PLEKHG3: variants seen among roughly 807,000 people sequenced by gnomAD.
PLEKHG3 encodes the protein pleckstrin homology and RhoGEF domain containing G3.
Under a neutral mutation model 94.9 loss-of-function variants are expected in PLEKHG3, and 62 were observed. The ratio of observed to expected loss-of-function variants is 0.65; its 90% CI spans 0.53 to 0.81. The LOEUF is 0.81. Among genes scored for constraint, PLEKHG3 ranks in the 30% least tolerant of loss-of-function variants. PLEKHG3 has a pLI of 0.00. For missense variants in PLEKHG3, 1,461 were observed against 1,619.3 expected (o/e 0.90, Z 1.68); for synonymous variants, 614 against 654.0 (o/e 0.94, Z 0.93).
intron 1 of PLEKHG3, among the ~76,000 whole-genome samples, chr14:64,710,007 G>A (rs1253841643): frequency 6.6e-6 from 1 of 152,160 alleles, no homozygotes; most frequent in African/African-American, 2.4e-5. Context: ...TTCTGACAGT[G>A]GGACAGGAAG....
chr14:64,737,883 C>T (rs1039740825), intron 14 of PLEKHG3: 4 of 1,205,874 alleles, frequency 3.3e-6, no homozygotes, highest in African/African-American at 1.6e-5. Context: ...TGCTGGAACC[C>T]TCCTGGACTT....
Position 64,742,030 on chromosome 14 carries a change from A to G in PLEKHG3, c.2513A>G (p.Asn838Ser), listed in dbSNP as rs370051891. The part of the protein sequence containing the change: ...PGKGPGQGQA[N>S]GFDLHEPLFI... Reference sequence around the variant, plus strand: ...AAGGGGCCAGGCCAGGGCCAGGCCAATGGCTTTGACCTGCATGAGCCACTC... The same window carrying G: ...AAGGGGCCAGGCCAGGGCCAGGCCAGTGGCTTTGACCTGCATGAGCCACTC... The change falls in exon 16 of 17, where the codon AAT becomes AGT. Residue 838 changes from asparagine to serine, a missense_variant. By Grantham distance (46) the Asn-to-Ser change is conservative. This residue lies in a region of PLEKHG3 where 1,201 missense variants were observed against 1,295.5 expected (regional missense o/e 0.93). Transcript: ENST00000247226. The G allele has an allele frequency of 2.5e-6, 4 of 1,590,494 alleles. No homozygotes were observed. Among genetic ancestry groups the G allele is most frequent in the Non-Finnish European group, 1.7e-6 (2 of 1,167,110 alleles).
At chr14:64,708,589 C>G (rs2081011632) in intron 1 of PLEKHG3, among the ~76,000 whole-genome samples, 1 of 152,130 alleles carries the variant, frequency 6.6e-6, no homozygotes, top group Non-Finnish European at 1.5e-5. Flanking sequence ...AATGAGAACT[C>G]AGGGTCGGCT....
chr14:64,723,619 G>GC lies in PLEKHG3; in HGVS notation c.-39-3968dup, dbSNP rs71444673. On this transcript the variant is annotated intron_variant, in intron 1 of 16. Coordinates refer to ENST00000247226, the MANE Select transcript of PLEKHG3 (RefSeq NM_001308147.2). The surrounding 1 kb of genome is among the most constrained non-coding windows in gnomAD (Gnocchi z 4.5). ...AGGTTCAAGCGATTCTTCTGCCTCAGCCCCCCGAGTAGCTGGGATTACAGG... is the reference window on the plus strand; with the variant it reads ...AGGTTCAAGCGATTCTTCTGCCTCAGCCCCCCCGAGTAGCTGGGATTACAGG... Among the ~76,000 whole-genome samples the GC allele has an allele frequency of 6.6e-6, 1 of 151,434 alleles. No homozygotes were observed. The highest frequency in any genetic ancestry group is 2.0e-4 in the East Asian group (1 of 5,090).
intron 13 of PLEKHG3, 123 bp downstream of exon 13, chr14:64,737,014 C>G: frequency 1.2e-6 from 1 of 803,652 alleles, no homozygotes. Flanking sequence ...GTAGAGGGAA[C>G]TCTGCCTCCA....
rs1374337447 is a variant in PLEKHG3, at chr14:64,744,862, C to G, written c.*1159C>G. 6.6e-6 allele frequency: 1 copy of G among 151,240 alleles called. No homozygotes were observed. Among genetic ancestry groups the G allele is most frequent in the African/African-American group, 2.4e-5 (1 of 40,870 alleles). The allele number at this position is 151,240 out of a possible 1,614,324, so 9.4% of individuals were successfully genotyped here. ...GATCTTGGCTTACTGCAACCTCCGC[C>G]TCCCAGGTTCAAGCAATTCTCGTTG... is the stretch of plus-strand genomic sequence containing the variant. On this transcript the variant is annotated 3_prime_UTR_variant, in exon 17 of 17. Transcript: ENST00000247226.
chr14:64,741,185 C>T lies in PLEKHG3; in HGVS notation c.1668C>T (p.Pro556=). 1 of 1,614,136 alleles carries T rather than the reference C, an allele frequency of 6.2e-7. No homozygotes were observed. Among genetic ancestry groups the T allele is most frequent in the South Asian group, 1.1e-5 (1 of 91,084 alleles). Residue 556 remains proline, a synonymous_variant, in exon 16 of 17, where the codon CCC becomes CCT. Coordinates refer to ENST00000247226, the MANE Select transcript of PLEKHG3 (RefSeq NM_001308147.2). The part of the protein sequence containing the change: ...DAHQGLLGMD[P]PGDMVDFVAA... ...ACCAGGGCCTTCTGGGGATGGACCC[C>T]CCAGGTGACATGGTGGACTTCGTGG...
chr14:64,712,325 A>G (rs985751044), intron 1 of PLEKHG3, among the ~76,000 whole-genome samples: 2 of 152,032 alleles, frequency 1.3e-5, no homozygotes, highest in African/African-American at 4.8e-5. Context: ...GCTTTTCCAT[A>G]TGAATTTTAG....
chr14:64,717,871 T>A lies in PLEKHG3; in HGVS notation c.-39-9722T>A, dbSNP rs72724474. Among the ~76,000 whole-genome samples, 2,185 of 152,368 alleles carry A rather than the reference T, an allele frequency of 0.014. 22 individuals are homozygous for A. The highest frequency in any genetic ancestry group is 0.023 in the Non-Finnish European group (1,538 of 68,038). ...GGGCACATTCTGACACCTCGTCTCA[T>A]GGAGCCCCATTTCCACGTGTCTTGG... On this transcript the variant is annotated intron_variant, in intron 1 of 16. Coordinates refer to ENST00000247226, the MANE Select transcript of PLEKHG3 (RefSeq NM_001308147.2). This position sits in a 1 kb window ranked among gnomAD's most constrained non-coding sequence, Gnocchi z 4.7.
intron 14 of PLEKHG3, chr14:64,737,839 A>T (rs1445922777): frequency 1.7e-6 from 2 of 1,147,314 alleles, no homozygotes; most frequent in African/African-American, 1.6e-5. Flanking sequence ...GCTGGTCACG[A>T]GGGGGTCTTG....
At position 64,741,960 on chromosome 14, in the gene PLEKHG3, G is replaced by A. The variant is rs1419582701; in HGVS notation, c.2443G>A (p.Val815Met). The change falls in exon 16 of 17, where the codon GTG becomes ATG. Residue 815 changes from valine (V) to methionine (M), a missense_variant. Physicochemically the swap from Val to Met is conservative, Grantham distance 21. This residue lies in a region of PLEKHG3 where 1,201 missense variants were observed against 1,295.5 expected (regional missense o/e 0.93). Transcript: ENST00000247226. ...TGAGTTCCGCCCATCTTCAGAAATTGTGAAGATCTGGGAGGGAATGGAGTC... is the reference window on the plus strand; with the variant it reads ...TGAGTTCCGCCCATCTTCAGAAATTATGAAGATCTGGGAGGGAATGGAGTC... Reference protein sequence around the residue: ...DAEFRPSSEIVKIWEGMESSG... With the variant: ...DAEFRPSSEIMKIWEGMESSG... The A allele has an allele frequency of 3.2e-6, 5 of 1,576,584 alleles. No homozygotes were observed. The highest frequency in any genetic ancestry group is 1.2e-5 in the South Asian group (1 of 84,620).
At position 64,744,443 on chromosome 14, in the gene PLEKHG3, C is replaced by T. The variant is rs1347037014; in HGVS notation, c.*740C>T. The T allele has an allele frequency of 6.6e-6, 1 of 152,466 alleles. No individual in the cohort carries two copies. Among genetic ancestry groups the T allele is most frequent in the Non-Finnish European group, 1.5e-5 (1 of 68,046 alleles). 9.4% of individuals were successfully genotyped at this position (152,466 alleles called of 1,614,324 possible). ...GATGGAGACATGGAGGTTGTTCCTT[C>T]CACACTCAATTGTCACTTGGGCTTA... On this transcript the variant is annotated 3_prime_UTR_variant, in exon 17 of 17. Transcript: ENST00000247226.
In PLEKHG3 at chr14:64,722,069, G is replaced by T. The variant is rs2081271254; in HGVS notation, c.-39-5524G>T. 1.3e-5 allele frequency among the ~76,000 whole-genome samples: 2 copies of T among 152,216 alleles called. 1 individual carries two copies. Among genetic ancestry groups the T allele is most frequent in the South Asian group, 4.1e-4 (2 of 4,828 alleles). On this transcript the variant is annotated intron_variant, in intron 1 of 16. Transcript: ENST00000247226. The surrounding 1 kb of genome is among the most constrained non-coding windows in gnomAD (Gnocchi z 4.3). ...GGGATTCCGAAAGTGCCGTCTTGGGGATTGTTTGGGGGAAGGACAAAAGCC... is the reference window on the plus strand; with the variant it reads ...GGGATTCCGAAAGTGCCGTCTTGGGTATTGTTTGGGGGAAGGACAAAAGCC...
rs779747958 is a variant in PLEKHG3, at chr14:64,731,686, C to T, written c.1033-28C>T. Reference sequence around the variant, plus strand: ...GCTTCCCCAGGCTGTCAACCTTGTGCTTGACTGTCCTTTCCCTCTGCCCCT... The same window carrying T: ...GCTTCCCCAGGCTGTCAACCTTGTGTTTGACTGTCCTTTCCCTCTGCCCCT... On this transcript the variant is annotated intron_variant, in intron 8 of 16. Coordinates refer to ENST00000247226, the MANE Select transcript of PLEKHG3 (RefSeq NM_001308147.2). The surrounding 1 kb of genome is among the most constrained non-coding windows in gnomAD (Gnocchi z 6.1). The T allele has an allele frequency of 2.9e-5, 46 of 1,566,532 alleles. No homozygotes were observed. The highest frequency in any genetic ancestry group is 4.0e-5 in the Non-Finnish European group (45 of 1,136,710).
chr14:64,742,126 C>T lies in PLEKHG3; in HGVS notation c.2609C>T (p.Ser870Phe), dbSNP rs1276584618. Reference protein sequence around the residue: ...ESATASPESSSPTEGRSPAHL... With the variant: ...ESATASPESSFPTEGRSPAHL... The stretch of plus-strand genomic sequence containing the variant: ...GCCACTGCCTCCCCGGAAAGCTCCT[C>T]TCCCACTGAGGGGCGCAGCCCGGCC... Residue 870 changes from serine to phenylalanine, a missense_variant, in exon 16 of 17, where the codon TCT (serine) becomes TTT (phenylalanine). Physicochemically the swap from Ser to Phe is radical, Grantham distance 155. Transcript: ENST00000247226. 6.2e-7 allele frequency: 1 copy of T among 1,611,120 alleles called. No individual in the cohort carries two copies. Among genetic ancestry groups the T allele is most frequent in the East Asian group, 2.2e-5 (1 of 44,874 alleles).
Position 64,728,305 on chromosome 14 carries a change from C to T in PLEKHG3, c.351+323C>T, listed in dbSNP as rs543196347. 8.6e-4 allele frequency among the ~76,000 whole-genome samples: 131 copies of T among 152,314 alleles called. No individual in the cohort carries two copies. Among genetic ancestry groups the T allele is most frequent in the Non-Finnish European group, 1.3e-3 (90 of 68,024 alleles). ...TGGGCCTGGCCCCATGCATCCCCTG[C>T]CCTGTTGTTTCCTGGCTGTGCGGAG... On this transcript the variant is annotated intron_variant, in intron 2 of 16. Transcript: ENST00000247226. This position sits in a 1 kb window ranked among gnomAD's most constrained non-coding sequence, Gnocchi z 5.9.
At position 64,715,953 on chromosome 14, in the gene PLEKHG3, A is replaced by G. The variant is rs1290175747; in HGVS notation, c.-40+11249A>G. ...TTTTGCAGGAGGCGGCGGGCGCTTTAATTCCCGAGGCTGTTGGTGGCAGCT... is the reference window on the plus strand; with the variant it reads ...TTTTGCAGGAGGCGGCGGGCGCTTTGATTCCCGAGGCTGTTGGTGGCAGCT... On this transcript the variant is annotated intron_variant, in intron 1 of 16. Coordinates refer to ENST00000247226, the MANE Select transcript of PLEKHG3 (RefSeq NM_001308147.2). This position sits in a 1 kb window ranked among gnomAD's most constrained non-coding sequence, Gnocchi z 4.4. 2.3e-6 allele frequency: 1 copy of G among 441,956 alleles called. No homozygotes were observed. Among genetic ancestry groups the G allele is most frequent in the Non-Finnish European group, 4.5e-6 (1 of 221,040 alleles). The allele number at this position is 441,956 out of a possible 1,614,324, so 27.4% of individuals were successfully genotyped here.
rs1020760529 is a variant in PLEKHG3 at position 64,739,344 on chromosome 14, G to C, written c.1518+489G>C. The stretch of plus-strand genomic sequence containing the variant: ...AAAAGGGCACTGAGTGGTTGATGGC[G>C]TGCCTAACACTGAGCAGCTTCTGAG... On this transcript the variant is annotated intron_variant, in intron 15 of 16. Transcript: ENST00000247226. This position sits in a 1 kb window ranked among gnomAD's most constrained non-coding sequence, Gnocchi z 4.1. Among the ~76,000 whole-genome samples, 1 of 152,198 alleles carries C rather than the reference G, an allele frequency of 6.6e-6. No homozygotes were observed. The highest frequency in any genetic ancestry group is 1.5e-5 in the Non-Finnish European group (1 of 68,046).
intron 16 of PLEKHG3, 96 bp downstream of exon 16, chr14:64,742,551 G>C: frequency 2.2e-6 from 2 of 909,120 alleles, no homozygotes; most frequent in South Asian, 3.5e-5. Context: ...GACCTCTAAG[G>C]AGGCTCTACC....
Sources: allele counts gnomAD v4.1 joint callset (sites outside exome capture counted in the v4.1 genomes callset), GRCh38; gene constraint gnomAD v4.1.1; regional missense constraint gnomAD v4.1.1; non-coding constraint Gnocchi (gnomAD v3.1); transcripts MANE v1.5; gene names NCBI Gene and HGNC (gene_info 2026-07-23, HGNC 2026-07-21).